Variants in HTR7 observed in about 807,000 individuals in gnomAD.
HTR7 encodes the protein 5-hydroxytryptamine receptor 7.
HTR7 carries 16 observed loss-of-function variants against 34.0 expected under a neutral mutation model. The observed-to-expected ratio is 0.47, with a 90% confidence interval of 0.32 to 0.71. HTR7 has a LOEUF of 0.71. Ranked by LOEUF, HTR7 falls within the 30% of genes least tolerant of loss-of-function variation. The pLI, the probability that HTR7 is intolerant of heterozygous loss-of-function variation, is 0.04. For missense variants in HTR7, 504 were observed against 625.5 expected (o/e 0.81, Z 2.07); for synonymous variants, 265 against 260.2 (o/e 1.02, Z -0.18).
chr10:90,834,850 G>A (rs1846229969), intron 1 of HTR7, among the ~76,000 whole-genome samples: 1 of 152,180 alleles, frequency 6.6e-6, no homozygotes, highest in Non-Finnish European at 1.5e-5. Flanking sequence ...TGTGTAGGAA[G>A]GGGTGCAAAG....
chr10:90,787,506 TA>T (rs907619455), intron 1 of HTR7, among the ~76,000 whole-genome samples: 2 of 151,384 alleles, frequency 1.3e-5, no homozygotes, highest in Non-Finnish European at 2.9e-5. Flanking sequence ...AAAATAAAAA[TA>T]AAAAAAATAA....
intron 1 of HTR7, among the ~76,000 whole-genome samples, chr10:90,814,017 G>C (rs561865891): frequency 1.6e-4 from 25 of 152,322 alleles, no homozygotes; most frequent in Admixed American, 3.3e-4. Context: ...GCAAGAGAGA[G>C]AGCTGTTCTC....
chr10:90,813,035 C>G (rs1239424965), intron 1 of HTR7, among the ~76,000 whole-genome samples: 2 of 152,094 alleles, frequency 1.3e-5, no homozygotes, highest in Non-Finnish European at 2.9e-5. Flanking sequence ...GGCTCAAAAA[C>G]CTCCCCCACT....
At chr10:90,777,551 A>G (rs1428968336) in intron 1 of HTR7, among the ~76,000 whole-genome samples, 2 of 152,068 alleles carry the variant, frequency 1.3e-5, no homozygotes. Flanking sequence ...GCAAGAAGAC[A>G]GGCAAAAGGC....
At chr10:90,774,888 C>A (rs542522675) in intron 1 of HTR7, among the ~76,000 whole-genome samples, 2 of 152,302 alleles carry the variant, frequency 1.3e-5, no homozygotes, top group Admixed American at 1.3e-4. Context: ...AAATACATCA[C>A]ATACCCATTC....
intron 1 of HTR7, among the ~76,000 whole-genome samples, chr10:90,852,336 A>G (rs1471168492): frequency 6.6e-6 from 1 of 152,248 alleles, no homozygotes. Context: ...TAAACATGTA[A>G]GCAAAGAAGA....
At chr10:90,790,175 T>C (rs1244373027) in intron 1 of HTR7, among the ~76,000 whole-genome samples, 1 of 152,168 alleles carries the variant, frequency 6.6e-6, no homozygotes, top group African/African-American at 2.4e-5. Context: ...GATTCAAGTT[T>C]CATTGCTAAA....
intron 1 of HTR7, among the ~76,000 whole-genome samples, chr10:90,853,902 C>T (rs1846538895): frequency 6.6e-6 from 1 of 152,186 alleles, no homozygotes; most frequent in Admixed American, 6.5e-5. Context: ...GCATCAAAGT[C>T]ATCTATCTAA....
chr10:90,743,980 T>C, intron 2 of HTR7: 1 of 562,854 alleles, frequency 1.8e-6, no homozygotes. Context: ...AATGGGTAAA[T>C]ATTTGGGAGT....
intron 1 of HTR7, among the ~76,000 whole-genome samples, chr10:90,836,670 C>A (rs1036796736): frequency 6.6e-6 from 1 of 151,534 alleles, no homozygotes; most frequent in Non-Finnish European, 1.5e-5. Context: ...TACCACCACA[C>A]CAGAATTTTT....
At position 90,749,295 on chromosome 10, in the gene HTR7, C is replaced by A. The variant is rs138510160; in HGVS notation, c.839G>T (p.Arg280Leu). ...GGCGATGACGCTGTCTGGCTCCACT[C>A]GAGGGAAGCCAGGAAACTTGTGTTT... ...AAKHKFPGFPRVEPDSVIALN... is the reference protein window; with the variant it reads ...AAKHKFPGFPLVEPDSVIALN... The change falls in exon 2 of 4, where the codon CGA becomes CTA. Residue 280 changes from arginine (R) to leucine (L), a missense_variant. By Grantham distance (102) the Arg-to-Leu change is moderately radical. Around this residue, in one of 4 missense-constraint regions of HTR7, gnomAD observed 57 missense variants for 47.5 expected, o/e 1.20. Coordinates refer to ENST00000336152, the MANE Select transcript of HTR7 (RefSeq NM_019859.4). The surrounding 1 kb of genome is among the most constrained non-coding windows in gnomAD (Gnocchi z 4.2). 3.7e-6 allele frequency: 6 copies of A among 1,614,106 alleles called. No homozygotes were observed. The Admixed American group carries it at 8.3e-5, about 22-fold the overall frequency.
intron 1 of HTR7, among the ~76,000 whole-genome samples, chr10:90,818,040 A>G (rs1162681704): frequency 6.6e-6 from 1 of 152,214 alleles, no homozygotes; most frequent in African/African-American, 2.4e-5. Context: ...CTGGAACTAG[A>G]GGACAGAAGT....
At chr10:90,800,637 A>G (rs75459196) in intron 1 of HTR7, among the ~76,000 whole-genome samples, 2,402 of 152,028 alleles carry the variant, frequency 0.016, 80 homozygotes, top group African/African-American at 0.054. Flanking sequence ...TGTTTTCTCT[A>G]TTCTCTTTTT....
rs187907466 is a variant in HTR7 at position 90,774,139 on chromosome 10, C to T, written c.540-24545G>A. Among the ~76,000 whole-genome samples the T allele has an allele frequency of 3.3e-3, 499 of 152,130 alleles. 2 individuals carry two copies. The highest frequency in any genetic ancestry group is 5.7e-3 in the Non-Finnish European group (390 of 67,994). On this transcript the variant is annotated intron_variant, in intron 1 of 3. Transcript: ENST00000336152. ...TAAAAAAAAAAGCTCAGGTTATCTT[C>T]AGGCCCATCTTGATCCAGGAGCTCA...
At chr10:90,841,948 C>T (rs1589478402) in intron 1 of HTR7, among the ~76,000 whole-genome samples, 1 of 152,146 alleles carries the variant, frequency 6.6e-6, no homozygotes, top group African/African-American at 2.4e-5. Context: ...TGCAGTGAGC[C>T]GAGATCATGC....
At chr10:90,817,259 A>C (rs1360249560) in intron 1 of HTR7, among the ~76,000 whole-genome samples, 2 of 152,216 alleles carry the variant, frequency 1.3e-5, no homozygotes, top group South Asian at 2.1e-4. Context: ...GTGAAATGGG[A>C]AGTTGGACAC....
Position 90,778,977 on chromosome 10 carries a change from C to A in HTR7, c.540-29383G>T, listed in dbSNP as rs1056527811. Among the ~76,000 whole-genome samples the A allele has an allele frequency of 4.6e-5, 7 of 152,130 alleles. No homozygotes were observed. In the South Asian group the frequency reaches 1.5e-3, roughly 32 times the overall value. On this transcript the variant is annotated intron_variant, in intron 1 of 3. Transcript: ENST00000336152. ...CCTGCATAACCCCCAGCTGGTGTAC[C>A]CCCATCAGGAGAAGAGATCAGGCAC...
intron 1 of HTR7, among the ~76,000 whole-genome samples, chr10:90,803,392 G>A (rs1050966386): frequency 6.6e-6 from 1 of 152,088 alleles, no homozygotes; most frequent in Non-Finnish European, 1.5e-5. Context: ...TGCACAGTAC[G>A]TTTACTGGAG....
intron 1 of HTR7, among the ~76,000 whole-genome samples, chr10:90,777,353 C>T (rs1355778670): frequency 1.3e-5 from 2 of 151,642 alleles, no homozygotes; most frequent in Non-Finnish European, 2.9e-5. Context: ...TGGTGGTGGG[C>T]GCCTGTAATC....
Sources: gnomAD v4.1 joint callset for allele counts (sites outside exome capture counted in the v4.1 genomes callset) on GRCh38, gnomAD v4.1.1 for gene constraint, gnomAD v4.1.1 regional missense constraint, Gnocchi (gnomAD v3.1) non-coding constraint, MANE v1.5 for transcripts, NCBI Gene and HGNC (gene_info 2026-07-23, HGNC 2026-07-21) for gene names.